The following ATF6 variants were observed in gnomAD, a reference collection of about 807,000 sequenced individuals.
The protein encoded by ATF6 is activating transcription factor 6.
In ATF6, 53 loss-of-function variants were observed where a neutral mutation model predicts 83.6. The observed-to-expected ratio is 0.63, with a 90% CI of 0.51 to 0.80. ATF6 has a LOEUF of 0.80. Ranked by LOEUF, ATF6 falls within the 30% of genes least tolerant of loss-of-function variation. ATF6 has a pLI of 0.00. For synonymous variants in ATF6, 288 were observed against 285.8 expected, an observed-to-expected ratio of 1.01 and a Z score of -0.08; for missense variants, 744 against 797.9, an observed-to-expected ratio of 0.93 and a Z score of 0.81.
intron 14 of ATF6, among the ~76,000 whole-genome samples, chr1:161,865,126 G>C (rs754319931): frequency 2.0e-5 from 3 of 151,814 alleles, no homozygotes; most frequent in Non-Finnish European, 2.9e-5. Context: ...TAAGGGAAGA[G>C]AACAAGTATT....
intron 14 of ATF6, among the ~76,000 whole-genome samples, chr1:161,905,096 C>G (rs1687855567): frequency 6.6e-6 from 1 of 152,154 alleles, no homozygotes; most frequent in African/African-American, 2.4e-5. Context: ...CACTGAGGCT[C>G]ATGCAAGGAG....
At chr1:161,878,475 A>AAGAGAG (rs1687263773) in intron 14 of ATF6, among the ~76,000 whole-genome samples, 1 of 152,084 alleles carries the variant, frequency 6.6e-6, no homozygotes, top group Non-Finnish European at 1.5e-5. Flanking sequence ...AGAAGAGAGT[A>AAGAGAG]TATAGAGAGA....
At chr1:161,942,206 C>A (rs1212518993) in intron 15 of ATF6, among the ~76,000 whole-genome samples, 1 of 152,212 alleles carries the variant, frequency 6.6e-6, no homozygotes, top group Non-Finnish European at 1.5e-5. Context: ...CCTCAGCCCT[C>A]ATACCATCAC....
intron 6 of ATF6, among the ~76,000 whole-genome samples, chr1:161,796,262 G>A (rs1488732147): frequency 3.9e-5 from 6 of 152,170 alleles, no homozygotes; most frequent in Non-Finnish European, 8.8e-5. Flanking sequence ...TTTCTTATAA[G>A]TTGCCTAATT....
At chr1:161,892,285 A>G (rs1687572212) in intron 14 of ATF6, 1 of 152,208 alleles carries the variant, frequency 6.6e-6, no homozygotes, top group African/African-American at 2.4e-5. Context: ...CATACACTTG[A>G]TATTTTTCAA....
chr1:161,937,744 G>A (rs1007162364), intron 15 of ATF6, among the ~76,000 whole-genome samples: 2 of 151,266 alleles, frequency 1.3e-5, no homozygotes, highest in Non-Finnish European at 2.9e-5. Flanking sequence ...CTTTCGGGGG[G>A]TGGGGGACAA....
At chr1:161,916,116 CCTTCCACTCCACTGAAATGCTCTTGCA>C (rs1368390534) in intron 15 of ATF6, among the ~76,000 whole-genome samples, 1 of 152,182 alleles carries the variant, frequency 6.6e-6, no homozygotes, top group Admixed American at 6.5e-5. Context: ...ATGCTCTTGC[CCTTCCACTCCACTGAAATGCTCTTGCA>C]AAACGGAAGT....
intron 1 of ATF6, among the ~76,000 whole-genome samples, chr1:161,777,003 A>T (rs2101721754): frequency 6.6e-6 from 1 of 152,330 alleles, no homozygotes; most frequent in Non-Finnish European, 1.5e-5. Flanking sequence ...GATATTCTGG[A>T]AGTCAAGTGA....
intron 15 of ATF6, among the ~76,000 whole-genome samples, chr1:161,949,980 T>G (rs1688830132): frequency 1.3e-5 from 2 of 152,246 alleles, no homozygotes; most frequent in African/African-American, 4.8e-5. Flanking sequence ...GCTTTCTGAC[T>G]GCATATAAGA....
intron 7 of ATF6, among the ~76,000 whole-genome samples, chr1:161,814,035 C>T (rs1156567395): frequency 6.6e-6 from 1 of 151,992 alleles, no homozygotes; most frequent in East Asian, 1.9e-4. Context: ...CAGGCATGCA[C>T]CACCACTCCC....
intron 9 of ATF6, among the ~76,000 whole-genome samples, chr1:161,834,792 CA>C (rs1173564896): frequency 6.6e-6 from 1 of 151,708 alleles, no homozygotes; most frequent in Admixed American, 6.6e-5. Flanking sequence ...AATAACAAAA[CA>C]AAAAAATAGA....
chr1:161,957,488 G>A (rs111918621), intron 15 of ATF6, among the ~76,000 whole-genome samples: 1,960 of 152,284 alleles, frequency 0.013, 15 homozygotes, highest in South Asian at 0.017. Flanking sequence ...TCAGTTTTAT[G>A]TCTAAGTTTC....
At chr1:161,900,471 A>G (rs1196315772) in intron 14 of ATF6, among the ~76,000 whole-genome samples, 1 of 152,190 alleles carries the variant, frequency 6.6e-6, no homozygotes, top group Non-Finnish European at 1.5e-5. Context: ...CATTTTCAAT[A>G]AGAAGCCATT....
intron 9 of ATF6, chr1:161,840,478 C>T (rs930313129): frequency 3.3e-5 from 5 of 152,122 alleles, no homozygotes; most frequent in African/African-American, 1.2e-4. Flanking sequence ...GGTAAGATGG[C>T]TTGAATTCAA....
At chr1:161,887,382 A>G (rs1239871617) in intron 14 of ATF6, among the ~76,000 whole-genome samples, 1 of 152,080 alleles carries the variant, frequency 6.6e-6, no homozygotes, top group Non-Finnish European at 1.5e-5. Flanking sequence ...ACTCGGCCTG[A>G]AGCATTTTAT....
chr1:161,812,254 T>C (rs141189764), intron 7 of ATF6, among the ~76,000 whole-genome samples: 9 of 151,360 alleles, frequency 5.9e-5, no homozygotes, highest in African/African-American at 1.9e-4. Context: ...AGGCTCTTTT[T>C]CTGCTTCTTT....
chr1:161,802,031 C>T (rs1325846050), intron 6 of ATF6, 21 bp from the exon 7 acceptor site: 1 of 1,612,722 alleles, frequency 6.2e-7, no homozygotes, highest in African/African-American at 1.3e-5. Context: ...CCTTTGATTC[C>T]TTTTCTTTTT....
chr1:161,914,294 A>G (rs1004283344), intron 15 of ATF6, among the ~76,000 whole-genome samples: 1 of 152,158 alleles, frequency 6.6e-6, no homozygotes, highest in Non-Finnish European at 1.5e-5. Flanking sequence ...GCAGCAGGGC[A>G]GGTGGTATCC....
At chr1:161,804,328 A>G (rs1452327504) in intron 7 of ATF6, among the ~76,000 whole-genome samples, 2 of 152,190 alleles carry the variant, frequency 1.3e-5, no homozygotes, top group Admixed American at 1.3e-4. Context: ...ATAGGTCAAC[A>G]GTATATCACT....
Sources: gnomAD v4.1 joint callset for allele counts (sites outside exome capture counted in the v4.1 genomes callset) on GRCh38, gnomAD v4.1.1 for gene constraint, MANE v1.5 for transcripts, NCBI Gene and HGNC (gene_info 2026-07-23, HGNC 2026-07-21) for gene names.